The following DVL1 variants were observed in gnomAD, a reference collection of about 807,000 sequenced individuals.
DVL1 encodes the protein dishevelled segment polarity protein 1.
In DVL1, 49 loss-of-function variants were observed where a neutral mutation model predicts 65.0. The ratio of observed to expected loss-of-function variants is 0.75; its 90% confidence interval spans 0.60 to 0.96. The LOEUF is 0.96. Ranked by LOEUF, DVL1 falls within the 40% of genes least tolerant of loss-of-function variation. DVL1 has a pLI of 0.00. For synonymous variants in DVL1, 608 were observed against 433.9 expected, an observed-to-expected ratio of 1.40 and a Z score of -4.99; for missense variants, 1,197 against 1,045.4, an observed-to-expected ratio of 1.15 and a Z score of -2.00.
Position 1,343,257 on chromosome 1 carries a change from GCCC to G in DVL1, c.171-502_171-500del, listed in dbSNP as rs55773120. On this transcript the variant is annotated intron_variant, in intron 1 of 14. Transcript: ENST00000378888. ...ACCTCATCTGTTCCTGGGGCTTGGAGCCCCCCCCCCCCAGGGCTTCCCCCACAC... is the reference window on the plus strand; with the variant it reads ...ACCTCATCTGTTCCTGGGGCTTGGAGCCCCCCCCCAGGGCTTCCCCCACAC... Among the ~76,000 whole-genome samples the G allele has an allele frequency of 5.2e-3, 734 of 142,302 alleles. 8 individuals are homozygous for G. The highest frequency in any genetic ancestry group is 0.014 in the African/African-American group (559 of 38,740). The allele number at this position is 142,302 out of a possible 152,430, so 93.4% of individuals were successfully genotyped here. A position where few individuals can be genotyped will look rare whatever the true frequency, so the allele number is the denominator to read the frequency against.
In DVL1 at chr1:1,341,790, C is replaced by G. The variant is rs753880781; in HGVS notation, c.482G>C (p.Gly161Ala). ...RNREEAARTN[G>A]HPRGDRRRDV... ...CCGCCGTCGGTCTCCCCTTGGGTGC[C>G]CATTGGTCCGGGCGGCTGTGGGGGC... Residue 161 changes from glycine (G) to alanine (A), a missense_variant, in exon 5 of 15, where the codon GGG becomes GCG. Physicochemically the swap from Gly to Ala is moderately conservative, Grantham distance 60. Transcript: ENST00000378888. 1 of 1,593,450 alleles carries G rather than the reference C, an allele frequency of 6.3e-7. No individual in the cohort carries two copies. Among genetic ancestry groups the G allele is most frequent in the South Asian group, 1.1e-5 (1 of 89,088 alleles).
chr1:1,340,803 G>A lies in DVL1; in HGVS notation c.606-300C>T, dbSNP rs112544139. On this transcript the variant is annotated intron_variant, in intron 5 of 14. Coordinates refer to ENST00000378888, the MANE Select transcript of DVL1 (RefSeq NM_001330311.2). ...CTGCACACACGCACCCCTGCACAAG[G>A]CACACATGCACACACCTGCACACAC... Among the ~76,000 whole-genome samples, 530 of 125,020 alleles carry A rather than the reference G, an allele frequency of 4.2e-3. 2 individuals carry two copies. The highest frequency in any genetic ancestry group is 0.015 in the African/African-American group (469 of 31,752). 82.0% of individuals were successfully genotyped at this position (125,020 alleles called of 152,430 possible). A position where few individuals can be genotyped will look rare whatever the true frequency, so the allele number is the denominator to read the frequency against.
intron 14 of DVL1, chr1:1,337,749 TC>T (rs1432806936): frequency 1.4e-6 from 1 of 698,002 alleles, no homozygotes; most frequent in Non-Finnish European, 2.6e-6. Flanking sequence ...GGCTCCTGGA[TC>T]CCCCTGGCAC....
At chr1:1,339,852 C>G (rs1380357867) in intron 8 of DVL1, 40 bp from the exon 9 acceptor site, 2 of 1,599,666 alleles carry the variant, frequency 1.3e-6, no homozygotes, top group Non-Finnish European at 1.7e-6. Context: ...GCAGGATGTG[C>G]AGCTCAGTCC....
chr1:1,337,121 C>G, intron 14 of DVL1: 1 of 986,370 alleles, frequency 1.0e-6, no homozygotes, highest in Non-Finnish European at 1.2e-6. Context: ...CTGCCCAGCA[C>G]CCACCCGCCA....
chr1:1,339,679 C>G (rs1201601329), intron 9 of DVL1, 30 bp from the exon 10 acceptor site: 1 of 1,612,402 alleles, frequency 6.2e-7, no homozygotes, highest in Non-Finnish European at 8.5e-7. Flanking sequence ...ACAGCAAGGC[C>G]CCCATGGTCC....
chr1:1,342,608 C>T, intron 2 of DVL1, 81 bp downstream of exon 2: 2 of 1,586,252 alleles, frequency 1.3e-6, no homozygotes, highest in Non-Finnish European at 1.7e-6. Context: ...GGCCTCCCCA[C>T]ACCCACCGCC....
chr1:1,341,401 A>G (rs759172092), intron 5 of DVL1, among the ~76,000 whole-genome samples: 1 of 152,060 alleles, frequency 6.6e-6, no homozygotes, highest in African/African-American at 2.4e-5. Context: ...ACAGACACAC[A>G]TGCACAAGCA....
rs1193523232 is a variant in DVL1, at chr1:1,342,149, C to T, written c.370G>A (p.Val124Met). The T allele has an allele frequency of 1.9e-5, 30 of 1,570,258 alleles. No homozygotes were observed. Among genetic ancestry groups the T allele is most frequent in the Non-Finnish European group, 2.2e-5 (25 of 1,158,484 alleles). ...DSRPPSFHPN[V>M]ASSRDGMDNE... Reference sequence around the variant, plus strand: ...TCCATCCCGTCACGGCTGCTGGCCACATTTGGGCTGTGCAACAAGAGCAGG... The same window carrying T: ...TCCATCCCGTCACGGCTGCTGGCCATATTTGGGCTGTGCAACAAGAGCAGG... The change falls in exon 4 of 15, where the codon GTG becomes ATG. Residue 124 changes from valine to methionine, a missense_variant. Transcript: ENST00000378888.
intron 13 of DVL1, 40 bp downstream of exon 13, chr1:1,338,229 T>TGCG: frequency 6.6e-7 from 1 of 1,522,370 alleles, no homozygotes; most frequent in Non-Finnish European, 9.0e-7. Flanking sequence ...CCTCCGGCGT[T>TGCG]CCCCTCCCCC....
intron 14 of DVL1, among the ~76,000 whole-genome samples, chr1:1,337,414 G>A (rs1323491889): frequency 6.6e-6 from 1 of 152,166 alleles, no homozygotes; most frequent in Admixed American, 6.5e-5. Flanking sequence ...CCCAGCCAGG[G>A]GCACAAGGCT....
At chr1:1,342,823 G>A in intron 1 of DVL1, 65 bp from the exon 2 acceptor site, 1 of 1,519,108 alleles carries the variant, frequency 6.6e-7, no homozygotes, top group Non-Finnish European at 9.0e-7. Flanking sequence ...TAGAGGTGAG[G>A]CCTGGAGAGC....
intron 14 of DVL1, among the ~76,000 whole-genome samples, chr1:1,337,521 T>C (rs1229127388): frequency 2.6e-5 from 4 of 152,178 alleles, no homozygotes; most frequent in African/African-American, 9.7e-5. Context: ...GTCAGACTCC[T>C]TGGCCACCCC....
chr1:1,339,286 C>G lies in DVL1; in HGVS notation c.1207+1G>C. ...TGGGGCCCTCAGGAGCTGCCACTTA[C>G]GTGGAGCACCAGGCACGGAGCTGGT... On this transcript the variant is annotated splice_donor_variant, in intron 11 of 14. Transcript: ENST00000378888. LOFTEE classifies it high-confidence loss of function. 6.5e-7 allele frequency: 1 copy of G among 1,548,426 alleles called. No individual in the cohort carries two copies. Among genetic ancestry groups the G allele is most frequent in the Non-Finnish European group, 8.7e-7 (1 of 1,146,846 alleles).
At chr1:1,341,315 G>C (rs1209343370) in intron 5 of DVL1, among the ~76,000 whole-genome samples, 2 of 152,018 alleles carry the variant, frequency 1.3e-5, no homozygotes, top group African/African-American at 2.4e-5. Flanking sequence ...TGCACACACA[G>C]ACATGCGCAT....
chr1:1,341,137 G>T (rs574091129), intron 5 of DVL1, among the ~76,000 whole-genome samples: 1 of 135,150 alleles, frequency 7.4e-6, no homozygotes, highest in Non-Finnish European at 1.5e-5. Flanking sequence ...ATGCACACCT[G>T]CACGCACACC....
rs1643552211 is a variant in DVL1 at position 1,335,821 on chromosome 1, A to G, written c.*321T>C. The G allele has an allele frequency of 7.2e-6, 3 of 414,440 alleles. No individual in the cohort carries two copies. The highest frequency in any genetic ancestry group is 5.6e-5 in the South Asian group (2 of 35,818). 25.7% of individuals were successfully genotyped at this position (414,440 alleles called of 1,614,324 possible). On this transcript the variant is annotated 3_prime_UTR_variant, in exon 15 of 15. Transcript: ENST00000378888. ...TGGACCACCCTGGGGGCCTGGGCACAGCTGTGCAGGAGGTGGGGGTCAGCC... is the reference window on the plus strand; with the variant it reads ...TGGACCACCCTGGGGGCCTGGGCACGGCTGTGCAGGAGGTGGGGGTCAGCC...
rs754547655 is a variant in DVL1, at chr1:1,340,548, AG to A, written c.606-46del. The A allele has an allele frequency of 3.2e-6, 5 of 1,548,904 alleles. No individual in the cohort carries two copies. The African/African-American group carries it at 6.8e-5, about 21-fold the overall frequency. On this transcript the variant is annotated intron_variant, in intron 5 of 14. Transcript: ENST00000378888. Reference sequence around the variant, plus strand: ...GCTCAGAGGAGCTGGAGACATGGGTAGGGGGGTGGGAACCCGCTCCCCCAAT... The same window carrying A: ...GCTCAGAGGAGCTGGAGACATGGGTAGGGGGTGGGAACCCGCTCCCCCAAT...
chr1:1,337,171 G>T, intron 14 of DVL1: 1 of 875,944 alleles, frequency 1.1e-6, no homozygotes, highest in Admixed American at 5.8e-5. Context: ...GGCTGAAGTG[G>T]GCGCAAGCGC....
Sources: gnomAD v4.1 joint callset for allele counts (sites outside exome capture counted in the v4.1 genomes callset) on GRCh38, gnomAD v4.1.1 for gene constraint, MANE v1.5 for transcripts, NCBI Gene and HGNC (gene_info 2026-07-23, HGNC 2026-07-21) for gene names.